Variants in CNKSR3 observed in about 807,000 individuals in gnomAD.
CNKSR3 encodes CNKSR family member 3.
A neutral mutation model predicts 67.7 loss-of-function variants in CNKSR3; 36 were observed. The observed-to-expected ratio is 0.53, with a 90% CI of 0.41 to 0.70. CNKSR3 has a LOEUF of 0.70. CNKSR3 is among the 30% of genes least tolerant of loss of function. The probability of loss-of-function intolerance (pLI) is 0.00; values close to 1 mark genes in which losing one functional copy is unlikely to be tolerated. For synonymous variants in CNKSR3, 281 were observed against 271.4 expected (o/e 1.04, Z -0.35); for missense variants, 630 against 695.2 (o/e 0.91, Z 1.05).
At chr6:154,485,653 C>T (rs558169862) in intron 1 of CNKSR3, among the ~76,000 whole-genome samples, 3 of 152,298 alleles carry the variant, frequency 2.0e-5, no homozygotes, top group South Asian at 2.1e-4. Context: ...CCCTGCAAGG[C>T]GCCTCTTTGA....
At chr6:154,435,482 G>T (rs760687781) in intron 4 of CNKSR3, among the ~76,000 whole-genome samples, 2 of 152,034 alleles carry the variant, frequency 1.3e-5, no homozygotes, top group Non-Finnish European at 2.9e-5. Flanking sequence ...TGGTGACTGC[G>T]GTGGTGATGG....
At chr6:154,452,766 A>G (rs1463682095) in intron 1 of CNKSR3, among the ~76,000 whole-genome samples, 2 of 152,222 alleles carry the variant, frequency 1.3e-5, no homozygotes, top group East Asian at 3.8e-4. Flanking sequence ...TCGTGTCCTT[A>G]TTAGAAGAGG....
Position 154,510,595 on chromosome 6 carries a change from C to G in CNKSR3, c.-481G>C, listed in dbSNP as rs187070032. 1,690 of 170,606 alleles carry G rather than the reference C, an allele frequency of 9.9e-3. 40 individuals carry two copies. The highest frequency in any genetic ancestry group is 0.039 in the African/African-American group (1,609 of 41,700). The allele number at this position is 170,606 out of a possible 1,614,324, so 10.6% of individuals were successfully genotyped here. On this transcript the variant is annotated 5_prime_UTR_variant, in exon 1 of 13. Coordinates refer to ENST00000607772, the MANE Select transcript of CNKSR3 (RefSeq NM_173515.4). ...TTCCCGGCGCAGGTCCCACCTCCTG[C>G]GCCGCCCTCCCGTGCCGCCCTGGCA...
chr6:154,495,923 G>T (rs987342260), intron 1 of CNKSR3, among the ~76,000 whole-genome samples: 1 of 151,842 alleles, frequency 6.6e-6, no homozygotes, highest in Non-Finnish European at 1.5e-5. Flanking sequence ...CCATTGCCAC[G>T]GCTCTGTCAT....
chr6:154,450,390 C>A lies in CNKSR3; in HGVS notation c.53-132G>T, dbSNP rs1785802868. ...CCACTATCTGGTTATCTATGTGAGG[C>A]CTATTGCACCTGATGGGCACTTTTG... On this transcript the variant is annotated intron_variant, in intron 1 of 12. Transcript: ENST00000607772. 7 of 865,170 alleles carry A rather than the reference C, an allele frequency of 8.1e-6. No homozygotes were observed. The East Asian group carries it at 1.9e-4, about 23-fold the overall frequency. The allele number at this position is 865,170 out of a possible 1,614,324, so 53.6% of individuals were successfully genotyped here. A position where few individuals can be genotyped will look rare whatever the true frequency, so the allele number is the denominator to read the frequency against.
chr6:154,471,434 G>T (rs1582887115), intron 1 of CNKSR3, among the ~76,000 whole-genome samples: 1 of 152,160 alleles, frequency 6.6e-6, no homozygotes, highest in African/African-American at 2.4e-5. Flanking sequence ...CAGCTACTGG[G>T]GAGTCTGAGG....
At position 154,458,570 on chromosome 6, in the gene CNKSR3, C is replaced by T. The variant is rs185481107; in HGVS notation, c.53-8312G>A. ...ATGATAGAAACATTCCTATCACCCC[C>T]AAAAAAAGTTCCCTCGGGCCCCTTT... On this transcript the variant is annotated intron_variant, in intron 1 of 12. Coordinates refer to ENST00000607772, the MANE Select transcript of CNKSR3 (RefSeq NM_173515.4). Among the ~76,000 whole-genome samples, 30 of 152,104 alleles carry T rather than the reference C, an allele frequency of 2.0e-4. No homozygotes were observed. The East Asian group carries it at 4.4e-3, about 23-fold the overall frequency.
chr6:154,469,256 G>C (rs1010291744), intron 1 of CNKSR3, among the ~76,000 whole-genome samples: 8 of 152,170 alleles, frequency 5.3e-5, no homozygotes, highest in African/African-American at 1.7e-4. Context: ...GTGCGTGATA[G>C]TTTGTTTACA....
Position 154,441,260 on chromosome 6 carries a change from A to AG in CNKSR3, c.507+31_507+32insC, listed in dbSNP as rs745656528. On this transcript the variant is annotated intron_variant, in intron 4 of 12. Transcript: ENST00000607772. ...GGAAAAGCAAAAAAAAAAAAAAAAAAAAAAAGAAAGTGAAAATGACATACT... is the reference window on the plus strand; with the variant it reads ...GGAAAAGCAAAAAAAAAAAAAAAAAAGAAAAAGAAAGTGAAAATGACATACT... 239 of 1,259,462 alleles carry AG rather than the reference A, an allele frequency of 1.9e-4. No homozygotes were observed. In the African/African-American group the frequency reaches 2.7e-3, roughly 14 times the overall value. 78.0% of individuals were successfully genotyped at this position (1,259,462 alleles called of 1,614,324 possible).
intron 1 of CNKSR3, among the ~76,000 whole-genome samples, chr6:154,468,004 C>A (rs1786239911): frequency 6.6e-6 from 1 of 151,562 alleles, no homozygotes. Context: ...AGGTGATTTG[C>A]CTGCCTCAGC....
In CNKSR3 at chr6:154,389,582, T is replaced by C. The variant is rs944277309; in HGVS notation, c.*16772A>G. 1 of 152,254 alleles carries C rather than the reference T, an allele frequency of 6.6e-6. No homozygotes were observed. Among genetic ancestry groups the C allele is most frequent in the Non-Finnish European group, 1.5e-5 (1 of 68,036 alleles). 9.4% of individuals were successfully genotyped at this position (152,254 alleles called of 1,614,324 possible). A position where few individuals can be genotyped will look rare whatever the true frequency, so the allele number is the denominator to read the frequency against. ...TGATATGGCTATTCATGGTCTTTTG[T>C]GGTTTCATATGGACTGTAGAATTGT... On this transcript the variant is annotated 3_prime_UTR_variant, in exon 13 of 13. Transcript: ENST00000607772.
chr6:154,502,086 G>A (rs1317837415), intron 1 of CNKSR3, among the ~76,000 whole-genome samples: 3 of 152,038 alleles, frequency 2.0e-5, no homozygotes, highest in African/African-American at 4.8e-5. Flanking sequence ...TGAATAATAA[G>A]TGGGTAAACA....
chr6:154,486,540 T>C (rs1052868360), intron 1 of CNKSR3, among the ~76,000 whole-genome samples: 8 of 148,734 alleles, frequency 5.4e-5, no homozygotes, highest in Non-Finnish European at 2.9e-5. Flanking sequence ...TCACCTAGGC[T>C]GGGGTGCAAT....
intron 1 of CNKSR3, among the ~76,000 whole-genome samples, chr6:154,456,002 A>G (rs944690586): frequency 7.2e-5 from 11 of 152,164 alleles, no homozygotes; most frequent in Non-Finnish European, 2.9e-5. Context: ...CAATGCAAAA[A>G]AAAACAAACA....
At chr6:154,423,414 C>T (rs565503547) in intron 7 of CNKSR3, among the ~76,000 whole-genome samples, 39 of 152,282 alleles carry the variant, frequency 2.6e-4, no homozygotes, top group African/African-American at 9.4e-4. Context: ...CAGGTGGCTG[C>T]CACCATGCCC....
At chr6:154,482,565 A>G (rs1786586382) in intron 1 of CNKSR3, among the ~76,000 whole-genome samples, 1 of 152,256 alleles carries the variant, frequency 6.6e-6, no homozygotes, top group Non-Finnish European at 1.5e-5. Flanking sequence ...GACAGTATTC[A>G]ATGTAAAAAG....
intron 1 of CNKSR3, among the ~76,000 whole-genome samples, chr6:154,486,295 T>C (rs1454988725): frequency 6.7e-6 from 1 of 148,928 alleles, no homozygotes; most frequent in African/African-American, 2.5e-5. Context: ...CTCTCTCTCT[T>C]TTTCTTTTTT....
At chr6:154,411,224 A>G (rs2128711286) in intron 10 of CNKSR3, 82 bp from the exon 11 acceptor site, 1 of 914,252 alleles carries the variant, frequency 1.1e-6, no homozygotes, top group Non-Finnish European at 1.7e-6. Flanking sequence ...TGCTACCTCC[A>G]GCACACAGAA....
At chr6:154,488,527 GA>G (rs1344500626) in intron 1 of CNKSR3, among the ~76,000 whole-genome samples, 1 of 152,032 alleles carries the variant, frequency 6.6e-6, no homozygotes, top group East Asian at 1.9e-4. Context: ...CTGAAAATAC[GA>G]AAAAGATACT....
Sources: allele counts gnomAD v4.1 joint callset (sites outside exome capture counted in the v4.1 genomes callset), GRCh38; gene constraint gnomAD v4.1.1; transcripts MANE v1.5; gene names NCBI Gene and HGNC (gene_info 2026-07-23, HGNC 2026-07-21).